The following STK25 variants were observed in gnomAD, a reference collection of about 807,000 sequenced individuals.
STK25 encodes serine/threonine kinase 25.
STK25 carries 29 observed loss-of-function variants against 53.8 expected under a neutral mutation model. That is an observed-to-expected ratio of 0.54 (90% CI 0.40 to 0.74). The LOEUF is 0.74. Among genes scored for constraint, STK25 ranks in the 30% least tolerant of loss-of-function variants. The pLI is 0.00. For synonymous variants in STK25, 247 were observed against 238.3 expected (o/e 1.04, Z -0.33); for missense variants, 420 against 568.0 (o/e 0.74, Z 2.65).
At chr2:241,506,565 T>C (rs1467743124) in intron 2 of STK25, among the ~76,000 whole-genome samples, 2 of 152,166 alleles carry the variant, frequency 1.3e-5, no homozygotes, top group African/African-American at 4.8e-5. Context: ...GTCAGGAGTT[T>C]GAGACCAGCC....
rs1457820487 is a variant in STK25 at position 241,501,523 on chromosome 2, C to T, written c.216G>A (p.Gln72=). 1 of 1,614,104 alleles carries T rather than the reference C, an allele frequency of 6.2e-7. No homozygotes were observed. Among genetic ancestry groups the T allele is most frequent in the East Asian group, 2.2e-5 (1 of 44,886 alleles). ...AGCGGGTGATGTAGGGGCTGTCGCA[C>T]TGACTGAGGACAGTGATCTCCTGCT... is the stretch of plus-strand genomic sequence containing the variant. ...DIQQEITVLS[Q]CDSPYITRYF... is the part of the protein sequence containing the mutation. The change falls in exon 3 of 12, where the codon CAG becomes CAA. Residue 72 remains glutamine, a synonymous_variant. Transcript: ENST00000316586. This position sits in a 1 kb window ranked among gnomAD's most constrained non-coding sequence, Gnocchi z 5.3.
chr2:241,505,923 C>T (rs1010325997), intron 2 of STK25, among the ~76,000 whole-genome samples: 5 of 152,192 alleles, frequency 3.3e-5, no homozygotes, highest in East Asian at 3.9e-4. Flanking sequence ...CTGACTCGAG[C>T]GGTGGACACC....
intron 2 of STK25, among the ~76,000 whole-genome samples, chr2:241,506,450 A>C (rs2065835790): frequency 6.6e-6 from 1 of 152,210 alleles, no homozygotes; most frequent in African/African-American, 2.4e-5. Flanking sequence ...TGTGACCCAA[A>C]GGAGTTATTT....
At chr2:241,497,378 C>A in intron 10 of STK25, 3 of 529,814 alleles carry the variant, frequency 5.7e-6, no homozygotes, top group Non-Finnish European at 1.0e-5. Context: ...TGTGTTTGCA[C>A]CTGAAGAAAA....
At chr2:241,503,750 C>T (rs2065652241) in intron 2 of STK25, among the ~76,000 whole-genome samples, 1 of 142,810 alleles carries the variant, frequency 7.0e-6, no homozygotes, top group South Asian at 2.4e-4. Flanking sequence ...CAAAAAAAAA[C>T]ACTGAAGACA....
At position 241,499,426 on chromosome 2, in the gene STK25, A is replaced by G. The variant is rs1233609326; in HGVS notation, c.428-12T>C. The G allele has an allele frequency of 1.8e-5, 29 of 1,611,536 alleles. No individual in the cohort carries two copies. The highest frequency in any genetic ancestry group is 2.4e-5 in the Non-Finnish European group (28 of 1,178,772). ...TAGCACGTTGGCAGCTGCTTGACAC[A>G]GGACAGGCAGGCGTCATCCCAGGCT... On this transcript the variant is annotated splice_polypyrimidine_tract_variant and intron_variant, in intron 5 of 11. Coordinates refer to ENST00000316586, the MANE Select transcript of STK25 (RefSeq NM_001271977.2).
At chr2:241,500,390 T>G in intron 4 of STK25, 109 bp from the exon 5 acceptor site, 3 of 737,570 alleles carry the variant, frequency 4.1e-6, no homozygotes, top group South Asian at 1.7e-5. Flanking sequence ...AGCTGGGGGC[T>G]TCGTGTTCCT....
rs1424698575 is a variant in STK25, at chr2:241,507,999, T to C, written c.30+7A>G. On this transcript the variant is annotated splice_region_variant and intron_variant, in intron 2 of 11. Coordinates refer to ENST00000316586, the MANE Select transcript of STK25 (RefSeq NM_001271977.2). Reference sequence around the variant, plus strand: ...CCGCTAGTCTTCCTGACCTGCACCCTTCTCACCTGGTTGGCAAATCCCCGG... The same window carrying C: ...CCGCTAGTCTTCCTGACCTGCACCCCTCTCACCTGGTTGGCAAATCCCCGG... The C allele has an allele frequency of 8.1e-6, 13 of 1,600,410 alleles. No homozygotes were observed. The highest frequency in any genetic ancestry group is 1.3e-5 in the African/African-American group (1 of 74,390).
Position 241,501,352 on chromosome 2 carries a change from T to TC in STK25, c.261+125dup, listed in dbSNP as rs1261823181. ...CACACCCTGCCTGCCCAGGGCAGTT[T>TC]CCCGGAGGGCATGCACTGAACCGTC... is the stretch of plus-strand genomic sequence containing the variant. On this transcript the variant is annotated intron_variant, in intron 3 of 11. Coordinates refer to ENST00000316586, the MANE Select transcript of STK25 (RefSeq NM_001271977.2). The surrounding 1 kb of genome is among the most constrained non-coding windows in gnomAD (Gnocchi z 5.3). 1 of 975,038 alleles carries TC rather than the reference T, an allele frequency of 1.0e-6. No individual in the cohort carries two copies. Among genetic ancestry groups the TC allele is most frequent in the African/African-American group, 1.6e-5 (1 of 62,178 alleles). The allele number at this position is 975,038 out of a possible 1,614,324, so 60.4% of individuals were successfully genotyped here.
In STK25 at chr2:241,493,614, A is replaced by AGAT. The variant is rs1370727392; in HGVS notation, c.*2045_*2047dup. ...AATGCTTTGTTTTTTTTTTTTTTGG[A>AGAT]GATGGCGTCTCCCTCTGTCACTCAG... On this transcript the variant is annotated 3_prime_UTR_variant, in exon 12 of 12. Coordinates refer to ENST00000316586, the MANE Select transcript of STK25 (RefSeq NM_001271977.2). 6.9e-6 allele frequency: 4 copies of AGAT among 575,714 alleles called. No homozygotes were observed. Among genetic ancestry groups the AGAT allele is most frequent in the African/African-American group, 6.0e-5 (3 of 50,054 alleles). 35.7% of individuals were successfully genotyped at this position (575,714 alleles called of 1,614,324 possible). A position where few individuals can be genotyped will look rare whatever the true frequency, so the allele number is the denominator to read the frequency against.
At chr2:241,507,037 G>A (rs983824653) in intron 2 of STK25, among the ~76,000 whole-genome samples, 133 of 152,260 alleles carry the variant, frequency 8.7e-4, no homozygotes, top group African/African-American at 3.1e-3. Context: ...GCGAACAGAC[G>A]CCCTTCCTGT....
At chr2:241,500,353 T>A in intron 4 of STK25, 72 bp from the exon 5 acceptor site, 1 of 1,095,478 alleles carries the variant, frequency 9.1e-7, no homozygotes. Flanking sequence ...TCTGCCTCTC[T>A]CACAGGGAAG....
rs902672520 is a variant in STK25 at position 241,496,655 on chromosome 2, G to C, written c.1105-121C>G. 2 of 1,172,362 alleles carry C rather than the reference G, an allele frequency of 1.7e-6. No homozygotes were observed. The highest frequency in any genetic ancestry group is 2.3e-6 in the Non-Finnish European group (2 of 851,310). 72.6% of individuals were successfully genotyped at this position (1,172,362 alleles called of 1,614,324 possible). A position where few individuals can be genotyped will look rare whatever the true frequency, so the allele number is the denominator to read the frequency against. ...GGGCTCTCGCCTAGGAGCCACACCC[G>C]GGAGCCCTTCAGCAAGCCGGGAAGT... On this transcript the variant is annotated intron_variant, in intron 10 of 11. Transcript: ENST00000316586. This position sits in a 1 kb window ranked among gnomAD's most constrained non-coding sequence, Gnocchi z 5.8.
Position 241,496,424 on chromosome 2 carries a change from C to T in STK25, c.1215G>A (p.Met405Ile), listed in dbSNP as rs758121873. The T allele has an allele frequency of 5.6e-6, 9 of 1,613,682 alleles. No homozygotes were observed. The highest frequency in any genetic ancestry group is 6.8e-6 in the Non-Finnish European group (8 of 1,179,954). The change falls in exon 11 of 12, where the codon ATG becomes ATA. Residue 405 changes from methionine (M) to isoleucine (I), a missense_variant. By Grantham distance (10) the Met-to-Ile change is conservative. Coordinates refer to ENST00000316586, the MANE Select transcript of STK25 (RefSeq NM_001271977.2). This position sits in a 1 kb window ranked among gnomAD's most constrained non-coding sequence, Gnocchi z 5.8. ...TCTGCACTCGCTCCACCAGGTGCAC[C>T]ATCAGCTTGTCTGAGATGCCGGGGC... ...ESCPGISDKL[M>I]VHLVERVQRF...
chr2:241,498,984 C>G lies in STK25; in HGVS notation c.771+5G>C. 1 of 1,613,526 alleles carries G rather than the reference C, an allele frequency of 6.2e-7. No homozygotes were observed. Among genetic ancestry groups the G allele is most frequent in the Non-Finnish European group, 8.5e-7 (1 of 1,179,612 alleles). ...AGAAGGGACCGGGCCAGAGGCGGGC[C>G]TTACGAATCGGGGGTCTTTGTTGAG... On this transcript the variant is annotated splice_donor_5th_base_variant and intron_variant, in intron 7 of 11. Coordinates refer to ENST00000316586, the MANE Select transcript of STK25 (RefSeq NM_001271977.2).
At chr2:241,497,798 G>A (rs1196843052) in intron 9 of STK25, 111 bp from the exon 10 acceptor site, 1 of 1,119,928 alleles carries the variant, frequency 8.9e-7, no homozygotes. Context: ...GGAGCAGCCT[G>A]TCGGGGCACA....
chr2:241,492,917 C>G lies in STK25; in HGVS notation c.*2745G>C. 1 of 1,559,484 alleles carries G rather than the reference C, an allele frequency of 6.4e-7. No homozygotes were observed. The highest frequency in any genetic ancestry group is 1.1e-5 in the South Asian group (1 of 89,810). ...GCTGGTTAATGCACCTGCATTTTTC[C>G]TTTATTGACAGAACCAGCTTTCAGG... On this transcript the variant is annotated 3_prime_UTR_variant, in exon 12 of 12. Transcript: ENST00000316586.
Position 241,496,348 on chromosome 2 carries a change from G to C in STK25, c.1241+50C>G. On this transcript the variant is annotated intron_variant, in intron 11 of 11. Transcript: ENST00000316586. This position sits in a 1 kb window ranked among gnomAD's most constrained non-coding sequence, Gnocchi z 5.8. ...AGCACTGGACCTCACCCCACGTCCA[G>C]CTTCTTGGTGGGGGTGCTCTCCCCG... 1 of 1,585,988 alleles carries C rather than the reference G, an allele frequency of 6.3e-7. No individual in the cohort carries two copies. The highest frequency in any genetic ancestry group is 8.6e-7 in the Non-Finnish European group (1 of 1,161,742).
intron 2 of STK25, 30 bp downstream of exon 2, chr2:241,507,976 G>T (rs781206267): frequency 1.3e-6 from 2 of 1,570,000 alleles, no homozygotes; most frequent in Admixed American, 1.8e-5. Flanking sequence ...GTGAGAGGCC[G>T]CTAGTCTTCC....
Sources: allele counts gnomAD v4.1 joint callset (sites outside exome capture counted in the v4.1 genomes callset), GRCh38; gene constraint gnomAD v4.1.1; non-coding constraint Gnocchi (gnomAD v3.1); transcripts MANE v1.5; gene names NCBI Gene and HGNC (gene_info 2026-07-23, HGNC 2026-07-21).